SIPA1L2: variants seen among roughly 807,000 people sequenced by gnomAD.
The protein encoded by SIPA1L2 is signal induced proliferation associated 1 like 2, also known as signal-induced proliferation-associated 1-like protein 2.
Under a neutral mutation model 163.9 loss-of-function variants are expected in SIPA1L2, and 56 were observed. The ratio of observed to expected loss-of-function variants is 0.34; its 90% confidence interval spans 0.28 to 0.43. The LOEUF (loss-of-function observed/expected upper bound fraction) is 0.43. Among genes scored for constraint, SIPA1L2 ranks in the 20% least tolerant of loss-of-function variants. The probability of loss-of-function intolerance (pLI) is 1.00; values close to 1 mark genes in which losing one functional copy is unlikely to be tolerated. For missense variants in SIPA1L2, 1,974 were observed against 2,193.5 expected (o/e 0.90, Z 2.00); for synonymous variants, 877 against 865.7 (o/e 1.01, Z -0.23).
intron 15 of SIPA1L2, 93 bp from the exon 16 acceptor site, chr1:232,432,564 T>C: frequency 8.2e-7 from 1 of 1,216,694 alleles, no homozygotes; most frequent in Middle Eastern, 1.9e-4. Context: ...TTTACTCAAG[T>C]CTTTCTCCGA....
intron 15 of SIPA1L2, among the ~76,000 whole-genome samples, 182 bp from the exon 16 acceptor site, chr1:232,432,653 G>A (rs1244517155): frequency 6.6e-6 from 1 of 152,168 alleles, no homozygotes; most frequent in Admixed American, 6.5e-5. Flanking sequence ...TTTTACGTAG[G>A]CTAAGGTTAC....
At chr1:232,472,690 G>A (rs947317458) in intron 7 of SIPA1L2, among the ~76,000 whole-genome samples, 1 of 152,154 alleles carries the variant, frequency 6.6e-6, no homozygotes, top group Non-Finnish European at 1.5e-5. Context: ...GACAATCTCA[G>A]ATAGTAAATC....
At chr1:232,502,007 G>A (rs1011611094) in intron 3 of SIPA1L2, among the ~76,000 whole-genome samples, 1 of 152,268 alleles carries the variant, frequency 6.6e-6, no homozygotes, top group African/African-American at 2.4e-5. Flanking sequence ...TTGGTATTCT[G>A]GAAGGGGAAG....
intron 1 of SIPA1L2, among the ~76,000 whole-genome samples, chr1:232,613,131 G>A (rs749047390): frequency 7.2e-5 from 11 of 151,968 alleles, no homozygotes; most frequent in African/African-American, 1.2e-4. Context: ...TGAGGCCTCC[G>A]CAGCCATGTG....
intron 1 of SIPA1L2, among the ~76,000 whole-genome samples, chr1:232,587,248 G>A (rs936707065): frequency 1.3e-5 from 2 of 152,092 alleles, no homozygotes; most frequent in African/African-American, 2.4e-5. Context: ...GGACACAGGA[G>A]TCAACAGCCC....
chr1:232,428,653 C>T, intron 16 of SIPA1L2, 89 bp from the exon 17 acceptor site: 1 of 1,010,762 alleles, frequency 9.9e-7, no homozygotes, highest in Non-Finnish European at 1.4e-6. Flanking sequence ...GTTTCAACAG[C>T]CACAAACGCA....
intron 10 of SIPA1L2, among the ~76,000 whole-genome samples, chr1:232,456,955 G>A (rs1663955262): frequency 6.6e-6 from 1 of 152,110 alleles, no homozygotes; most frequent in South Asian, 2.1e-4. Context: ...GTCCCTCAAG[G>A]GGGATTCTCC....
intron 2 of SIPA1L2, among the ~76,000 whole-genome samples, chr1:232,570,383 G>A (rs1659649596): frequency 6.6e-6 from 1 of 152,226 alleles, no homozygotes; most frequent in Admixed American, 6.5e-5. Context: ...AATTAAATAA[G>A]TATGCCGTCT....
intron 12 of SIPA1L2, 117 bp from the exon 13 acceptor site, chr1:232,441,985 G>A (rs1393543973): frequency 2.6e-6 from 2 of 758,338 alleles, no homozygotes; most frequent in South Asian, 2.0e-5. Context: ...CCAGGAGCTG[G>A]TTTTCTGGCA....
intron 16 of SIPA1L2, 46 bp downstream of exon 16, chr1:232,432,201 C>T: frequency 6.6e-7 from 1 of 1,517,530 alleles, no homozygotes; most frequent in East Asian, 2.3e-5. Context: ...TAGTCAATCC[C>T]TACAGTGAAA....
chr1:232,540,544 G>C (rs184691407), intron 2 of SIPA1L2, among the ~76,000 whole-genome samples: 1 of 152,124 alleles, frequency 6.6e-6, no homozygotes, highest in Admixed American at 6.5e-5. Flanking sequence ...ACTCAAGTGA[G>C]TCAGGAAAAT....
At chr1:232,401,447 C>T (rs115015995) in intron 22 of SIPA1L2, among the ~76,000 whole-genome samples, 188 of 152,294 alleles carry the variant, frequency 1.2e-3, no homozygotes, top group South Asian at 4.1e-3. Context: ...CACCCATATC[C>T]GCTATCCACA....
intron 10 of SIPA1L2, among the ~76,000 whole-genome samples, chr1:232,457,624 T>G (rs1663999365): frequency 6.6e-6 from 1 of 152,194 alleles, no homozygotes; most frequent in Admixed American, 6.5e-5. Context: ...GCACATCCTG[T>G]TATGTGTTGC....
intron 19 of SIPA1L2, among the ~76,000 whole-genome samples, chr1:232,406,845 C>T (rs1211887746): frequency 6.6e-6 from 1 of 152,204 alleles, no homozygotes; most frequent in Non-Finnish European, 1.5e-5. Context: ...TGAAATTAAA[C>T]CTATTTCCAC....
chr1:232,471,114 T>G (rs996447925), intron 8 of SIPA1L2, among the ~76,000 whole-genome samples: 1 of 152,192 alleles, frequency 6.6e-6, no homozygotes, highest in African/African-American at 2.4e-5. Flanking sequence ...AGGATACCAA[T>G]TAAGCTATTG....
At position 232,483,867 on chromosome 1, in the gene SIPA1L2, C is replaced by T; in HGVS notation, c.1906G>A (p.Glu636Lys). The part of the protein sequence containing the change: ...NNETAGPAFE[E>K]FLDLLGQRVR... ...CTCTGGCCCAGAAGATCAAGGAATT[C>T]TTCAAAAGCTGGTCCCGCCGTCTCA... is the stretch of plus-strand genomic sequence containing the variant. The change falls in exon 6 of 23, where the codon GAA becomes AAA. Residue 636 changes from glutamate to lysine, a missense_variant. By Grantham distance (56) the Glu-to-Lys change is moderately conservative. Around this residue, in one of 3 missense-constraint regions of SIPA1L2, gnomAD observed 288 missense variants for 418.9 expected, o/e 0.69. Transcript: ENST00000674635. 1 of 1,614,084 alleles carries T rather than the reference C, an allele frequency of 6.2e-7. No homozygotes were observed. The highest frequency in any genetic ancestry group is 1.1e-5 in the South Asian group (1 of 91,084).
At chr1:232,422,274 T>C (rs1219926832) in intron 18 of SIPA1L2, among the ~76,000 whole-genome samples, 1 of 152,206 alleles carries the variant, frequency 6.6e-6, no homozygotes, top group African/African-American at 2.4e-5. Flanking sequence ...ATACAGCACA[T>C]TGCAGTGACT....
chr1:232,574,649 C>G (rs1659981667), intron 1 of SIPA1L2, among the ~76,000 whole-genome samples: 1 of 152,068 alleles, frequency 6.6e-6, no homozygotes, highest in Admixed American at 6.6e-5. Context: ...AGTTTTAATT[C>G]TAGTATAGTA....
intron 1 of SIPA1L2, among the ~76,000 whole-genome samples, chr1:232,579,309 T>C (rs1223110492): frequency 6.6e-6 from 1 of 152,200 alleles, no homozygotes; most frequent in African/African-American, 2.4e-5. Flanking sequence ...AAGGCTACTT[T>C]TTGTTTTTGT....
Sources: allele counts gnomAD v4.1 joint callset (sites outside exome capture counted in the v4.1 genomes callset), GRCh38; gene constraint gnomAD v4.1.1; regional missense constraint gnomAD v4.1.1; transcripts MANE v1.5; gene names NCBI Gene and HGNC (gene_info 2026-07-23, HGNC 2026-07-21).